Variants in HACD4 observed in about 807,000 individuals in gnomAD.
The protein encoded by HACD4 is very-long-chain (3R)-3-hydroxyacyl-CoA dehydratase 4.
HACD4 carries 35 observed loss-of-function variants against 33.3 expected under a neutral mutation model. The observed-to-expected ratio is 1.05, with a 90% CI of 0.80 to 1.39. The LOEUF (loss-of-function observed/expected upper bound fraction) is 1.39. Among genes scored for constraint, HACD4 ranks in the 40% most tolerant of loss-of-function variants. The pLI, the probability that HACD4 is intolerant of heterozygous loss-of-function variation, is 0.00. For missense variants in HACD4, 323 were observed against 276.5 expected, an observed-to-expected ratio of 1.17 and a Z score of -1.19; for synonymous variants, 118 against 98.0, an observed-to-expected ratio of 1.20 and a Z score of -1.21.
At chr9:21,007,162 A>G (rs761537568) in intron 6 of HACD4, 43 bp from the exon 7 acceptor site, 2 of 990,644 alleles carry the variant, frequency 2.0e-6, no homozygotes, top group South Asian at 1.3e-5. Flanking sequence ...AAGGTTAACT[A>G]TTTCTCTGGA....
intron 1 of HACD4, 70 bp downstream of exon 1, chr9:21,031,481 GCA>G: frequency 7.2e-7 from 1 of 1,397,916 alleles, no homozygotes. Context: ...CCCGCCCGCC[GCA>G]GAGGGGAGCT....
Position 21,026,648 on chromosome 9 carries a change from A to C in HACD4, c.218T>G (p.Leu73Arg). 1 of 1,613,668 alleles carries C rather than the reference A, an allele frequency of 6.2e-7. No homozygotes were observed. Among genetic ancestry groups the C allele is most frequent in the South Asian group, 1.1e-5 (1 of 91,056 alleles). Reference sequence around the variant, plus strand: ...TGACTCAATGCCAACATATATGTGCAGCAGTTCCAGGAGAGATACGGATTG... The same window carrying C: ...TGACTCAATGCCAACATATATGTGCCGCAGTTCCAGGAGAGATACGGATTG... ...LCQSVSLLEL[L>R]HIYVGIESNH... Residue 73 changes from leucine (L) to arginine (R), a missense_variant, in exon 3 of 7, where the codon CTG becomes CGG. Physicochemically the swap from Leu to Arg is moderately radical, Grantham distance 102. Transcript: ENST00000495827.
At chr9:21,011,808 T>C (rs2132772948) in intron 4 of HACD4, 113 bp from the exon 5 acceptor site, 1 of 600,780 alleles carries the variant, frequency 1.7e-6, no homozygotes, top group East Asian at 3.0e-5. Context: ...ACAAATTGTA[T>C]ATTTTATTTC....
At chr9:21,026,872 T>A (rs1818075760) in intron 2 of HACD4, 149 bp from the exon 3 acceptor site, 2 of 620,598 alleles carry the variant, frequency 3.2e-6, no homozygotes, top group African/African-American at 3.7e-5. Context: ...TACTAAATTA[T>A]TAACAATACA....
intron 5 of HACD4, among the ~76,000 whole-genome samples, chr9:21,008,873 A>G (rs1240064762): frequency 6.6e-6 from 1 of 152,116 alleles, no homozygotes; most frequent in African/African-American, 2.4e-5. Flanking sequence ...CTATTTTTGC[A>G]ATTTCTTATG....
rs397709627 is a variant in HACD4, at chr9:21,023,574, C to CTT, written c.270+3020_270+3021dup. On this transcript the variant is annotated intron_variant, in intron 3 of 6. Transcript: ENST00000495827. ...AAGAATTCAGTTGTCACTTAACAATCTTTTTTTTTTTTTTTTTTGAGACGG... is the reference window on the plus strand; with the variant it reads ...AAGAATTCAGTTGTCACTTAACAATCTTTTTTTTTTTTTTTTTTTTGAGACGG... Among the ~76,000 whole-genome samples, 169 of 128,902 alleles carry CTT rather than the reference C, an allele frequency of 1.3e-3. 1 individual carries two copies. The highest frequency in any genetic ancestry group is 3.4e-3 in the East Asian group (15 of 4,380). The allele number at this position is 128,902 out of a possible 152,430, so 84.6% of individuals were successfully genotyped here. A position where few individuals can be genotyped will look rare whatever the true frequency, so the allele number is the denominator to read the frequency against.
intron 3 of HACD4, among the ~76,000 whole-genome samples, chr9:21,025,637 A>T (rs961863072): frequency 6.6e-6 from 1 of 152,158 alleles, no homozygotes; most frequent in South Asian, 2.1e-4. Flanking sequence ...GCTATATAAA[A>T]TTTACAGAAA....
intron 5 of HACD4, among the ~76,000 whole-genome samples, chr9:21,008,500 TAG>T (rs1842329441): frequency 6.6e-6 from 1 of 152,176 alleles, no homozygotes; most frequent in South Asian, 2.1e-4. Context: ...ATTTTCCTCT[TAG>T]AGTTTCACAA....
At chr9:21,025,631 T>C (rs1427152161) in intron 3 of HACD4, among the ~76,000 whole-genome samples, 3 of 152,220 alleles carry the variant, frequency 2.0e-5, no homozygotes, top group Non-Finnish European at 4.4e-5. Flanking sequence ...ATATGAGCTA[T>C]ATAAAATTTA....
intron 3 of HACD4, among the ~76,000 whole-genome samples, chr9:21,016,930 C>A (rs1857647): frequency 4.1e-4 from 62 of 151,784 alleles, no homozygotes; most frequent in African/African-American, 1.3e-3. Context: ...AATTACTAGC[C>A]TCAAAAAATA....
chr9:21,010,063 G>A (rs528350220), intron 5 of HACD4, among the ~76,000 whole-genome samples: 7 of 152,228 alleles, frequency 4.6e-5, no homozygotes, highest in Middle Eastern at 6.8e-3. Flanking sequence ...TAGAAAATAT[G>A]TGTTTTTGTT....
Position 21,001,028 on chromosome 9 carries a change from A to G in HACD4, c.*6009T>C, listed in dbSNP as rs766807131. Reference sequence around the variant, plus strand: ...TATTAGATTGAAACGTTCAGTTTTCAGCAAAAAAATAACAAGGCATACAAA... The same window carrying G: ...TATTAGATTGAAACGTTCAGTTTTCGGCAAAAAAATAACAAGGCATACAAA... On this transcript the variant is annotated 3_prime_UTR_variant, in exon 7 of 7. Coordinates refer to ENST00000495827, the MANE Select transcript of HACD4 (RefSeq NM_001010915.5). 7.9e-5 allele frequency: 12 copies of G among 152,114 alleles called. No individual in the cohort carries two copies. Among genetic ancestry groups the G allele is most frequent in the Non-Finnish European group, 1.3e-4 (9 of 67,976 alleles). 9.4% of individuals were successfully genotyped at this position (152,114 alleles called of 1,614,324 possible). A position where few individuals can be genotyped will look rare whatever the true frequency, so the allele number is the denominator to read the frequency against.
At chr9:21,026,836 A>G (rs1818074882) in intron 2 of HACD4, 113 bp from the exon 3 acceptor site, 2 of 848,168 alleles carry the variant, frequency 2.4e-6, no homozygotes, top group East Asian at 2.5e-5. Flanking sequence ...TTTTCATTGT[A>G]CATGTGAAAA....
chr9:21,018,315 T>C (rs1817813305), intron 3 of HACD4, among the ~76,000 whole-genome samples: 1 of 152,196 alleles, frequency 6.6e-6, no homozygotes, highest in Non-Finnish European at 1.5e-5. Context: ...ACAAAAGACA[T>C]GCATTTTACC....
At chr9:21,031,474 GC>G in intron 1 of HACD4, 78 bp downstream of exon 1, 2 of 1,316,380 alleles carry the variant, frequency 1.5e-6, no homozygotes, top group South Asian at 1.8e-5. Flanking sequence ...CCGCCCGCCC[GC>G]CCGCCGCAGA....
intron 3 of HACD4, among the ~76,000 whole-genome samples, chr9:21,025,786 A>G (rs923278837): frequency 1.3e-5 from 2 of 152,224 alleles, no homozygotes; most frequent in Non-Finnish European, 2.9e-5. Flanking sequence ...AAGAGGGAAC[A>G]AAGAATAGTT....
At chr9:21,009,532 T>C (rs1164493428) in intron 5 of HACD4, among the ~76,000 whole-genome samples, 1 of 152,204 alleles carries the variant, frequency 6.6e-6, no homozygotes, top group African/African-American at 2.4e-5. Context: ...TTATATATTC[T>C]TTTAAATTTG....
At chr9:21,007,404 A>C (rs1310150627) in intron 6 of HACD4, among the ~76,000 whole-genome samples, 1 of 152,030 alleles carries the variant, frequency 6.6e-6, no homozygotes. Context: ...TTTTCTCTCT[A>C]TATGTTGTTC....
rs909036287 is a variant in HACD4, at chr9:21,031,566, A to G, written c.25T>C (p.Trp9Arg). 2 of 1,454,978 alleles carry G rather than the reference A, an allele frequency of 1.4e-6. No homozygotes were observed. Among genetic ancestry groups the G allele is most frequent in the East Asian group, 3.0e-5 (1 of 33,404 alleles). The allele number at this position is 1,454,978 out of a possible 1,614,324, so 90.1% of individuals were successfully genotyped here. MGPLALPA[W>R]LQPRYRKNAY... The stretch of plus-strand genomic sequence containing the variant: ...CGAGCGCCCTACCTGGGCTGCAGCC[A>G]GGCGGGCAGCGCCAAGGGCCCCATG... Residue 9 changes from tryptophan (W) to arginine (R), a missense_variant, in exon 1 of 7, where the codon TGG (tryptophan) becomes CGG (arginine). Coordinates refer to ENST00000495827, the MANE Select transcript of HACD4 (RefSeq NM_001010915.5).
Sources: gnomAD v4.1 joint callset for allele counts (sites outside exome capture counted in the v4.1 genomes callset) on GRCh38, gnomAD v4.1.1 for gene constraint, MANE v1.5 for transcripts, NCBI Gene and HGNC (gene_info 2026-07-23, HGNC 2026-07-21) for gene names.